The following SPDYE14 variants were observed in gnomAD, a reference collection of about 807,000 sequenced individuals.
SPDYE14 encodes speedy/RINGO cell cycle regulator family member E14, also known as speedy protein E14.
At chr7:75,240,321 G>T in the SPDYE14 span, among the ~76,000 whole-genome samples, 2 of 58,908 alleles carry the variant, frequency 3.4e-5, 1 homozygote. Flanking sequence ...CAACTGGCAG[G>T]GTGCAGTGGC....
At chr7:75,276,593 A>C in the SPDYE14 span, among the ~76,000 whole-genome samples, 1 of 42,470 alleles carries the variant, frequency 2.4e-5, no homozygotes, top group Non-Finnish European at 6.0e-5. Context: ...AAAAAAAAAA[A>C]AAAACAAATC....
At chr7:75,260,681 T>C in the SPDYE14 span, among the ~76,000 whole-genome samples, 1 of 55,508 alleles carries the variant, frequency 1.8e-5, no homozygotes, top group Non-Finnish European at 4.5e-5. Context: ...GATCCAGGTC[T>C]GCCTGGCCTT....
chr7:75,249,578 TTTCCTTCCTTCC>T, the SPDYE14 span, among the ~76,000 whole-genome samples: 12 of 60,298 alleles, frequency 2.0e-4, no homozygotes, highest in Admixed American at 3.2e-4. Flanking sequence ...TCCTTCCTTC[TTTCCTTCCTTCC>T]TTCCTTCCTT....
At chr7:75,249,793 A>C in the SPDYE14 span, among the ~76,000 whole-genome samples, 6 of 117,008 alleles carry the variant, frequency 5.1e-5, no homozygotes, top group African/African-American at 6.9e-5. Context: ...CATGCCTTAG[A>C]CTCCCAAGTA....
chr7:75,272,885 C>CAA, the SPDYE14 span, among the ~76,000 whole-genome samples: 5 of 24,192 alleles, frequency 2.1e-4, no homozygotes, highest in South Asian at 1.6e-3. Context: ...AACTGTGTCT[C>CAA]AAAAAAAAAA....
chr7:75,249,636 T>TCCTCCCTC, the SPDYE14 span, among the ~76,000 whole-genome samples: 1 of 34,932 alleles, frequency 2.9e-5, no homozygotes, highest in African/African-American at 1.1e-4. Flanking sequence ...CTTCCTTCCT[T>TCCTCCCTC]CCTCCCTCCC....
chr7:75,300,651 TCTGTCGCC>T, the SPDYE14 span, among the ~76,000 whole-genome samples: 1 of 13,074 alleles, frequency 7.6e-5, no homozygotes, highest in African/African-American at 1.6e-4. Flanking sequence ...GGATTCTTGC[TCTGTCGCC>T]CTGTCGCCCA....
At chr7:75,275,066 C>A in the SPDYE14 span, among the ~76,000 whole-genome samples, 1 of 57,134 alleles carries the variant, frequency 1.8e-5, no homozygotes, top group African/African-American at 4.4e-5. Flanking sequence ...GGGGGGTCAG[C>A]CCCCCGCCCG....
the SPDYE14 span, among the ~76,000 whole-genome samples, chr7:75,257,296 G>A: frequency 1.7e-5 from 2 of 115,432 alleles, no homozygotes; most frequent in Non-Finnish European, 3.8e-5. Flanking sequence ...ATGAATGAAT[G>A]AATGCATGGA....
the SPDYE14 span, among the ~76,000 whole-genome samples, chr7:75,274,499 CTTTTTT>C: frequency 5.4e-4 from 7 of 13,040 alleles, no homozygotes; most frequent in East Asian, 0.014. Context: ...CTAGTCCTGG[CTTTTTT>C]TTTTTTTTTT....
chr7:75,268,869 GAGA>G, the SPDYE14 span, among the ~76,000 whole-genome samples: 1 of 23,938 alleles, frequency 4.2e-5, no homozygotes, highest in Non-Finnish European at 1.2e-4. Context: ...GAGAGAGAGA[GAGA>G]GAGAGAGAGA....
chr7:75,272,933 T>A, the SPDYE14 span, among the ~76,000 whole-genome samples: 2 of 52,910 alleles, frequency 3.8e-5, 1 homozygote, highest in African/African-American at 8.8e-5. Flanking sequence ...TCATGTCAAA[T>A]TGTAATCCCC....
chr7:75,237,657 G>A, the SPDYE14 span: 13 of 86,410 alleles, frequency 1.5e-4, no homozygotes, highest in African/African-American at 4.2e-4. Context: ...GCGGAGCAGC[G>A]GCGCGCGGCG....
the SPDYE14 span, among the ~76,000 whole-genome samples, chr7:75,249,578 T>TTTCCTTCCTTCCTTCCTTCCTTCC: frequency 1.7e-5 from 1 of 60,240 alleles, no homozygotes; most frequent in Admixed American, 1.6e-4. Flanking sequence ...TCCTTCCTTC[T>TTTCCTTCCTTCCTTCCTTCCTTCC]TTCCTTCCTT....
At chr7:75,247,507 G>GGAAA in the SPDYE14 span, among the ~76,000 whole-genome samples, 30 of 116,718 alleles carry the variant, frequency 2.6e-4, 1 homozygote, top group African/African-American at 6.2e-4. Context: ...GAAAGAAAGA[G>GGAAA]GAAAGAAAGA....
At chr7:75,273,303 A>G in the SPDYE14 span, among the ~76,000 whole-genome samples, 1 of 61,102 alleles carries the variant, frequency 1.6e-5, no homozygotes, top group Non-Finnish European at 4.3e-5. Context: ...TTGGGAGGCC[A>G]AGGTGGGTGG....
At chr7:75,247,409 C>T in the SPDYE14 span, among the ~76,000 whole-genome samples, 38 of 24,762 alleles carry the variant, frequency 1.5e-3, no homozygotes, top group African/African-American at 3.5e-3. Flanking sequence ...AAAAGAAAGA[C>T]GAAAGAAAGA....
At chr7:75,268,891 GAGAA>G in the SPDYE14 span, among the ~76,000 whole-genome samples, 13 of 25,008 alleles carry the variant, frequency 5.2e-4, no homozygotes, top group African/African-American at 7.3e-4. Context: ...GAGAGAGAGA[GAGAA>G]AGGAAATGGC....
the SPDYE14 span, among the ~76,000 whole-genome samples, chr7:75,275,166 C>T: frequency 1.9e-3 from 102 of 53,094 alleles, no homozygotes; most frequent in African/African-American, 2.8e-3. Context: ...CGCCTCTGCC[C>T]GGCCGCCCCT....
Sources: allele counts gnomAD v4.1 joint callset (sites outside exome capture counted in the v4.1 genomes callset), GRCh38; gene constraint gnomAD v4.1.1; transcripts MANE v1.5; gene names NCBI Gene and HGNC (gene_info 2026-07-23, HGNC 2026-07-21).